The following SMAP1 variants were observed in gnomAD, a reference collection of about 807,000 sequenced individuals.
SMAP1 encodes stromal membrane-associated protein 1.
SMAP1 carries 24 observed loss-of-function variants against 58.5 expected under a neutral mutation model. That is an observed-to-expected ratio of 0.41 (90% CI 0.30 to 0.58). The LOEUF (loss-of-function observed/expected upper bound fraction) is 0.58, where lower values mean the gene tolerates loss of function less well. Among genes scored for constraint, SMAP1 ranks in the 20% least tolerant of loss-of-function variants. The pLI, the probability that SMAP1 is intolerant of heterozygous loss-of-function variation, is 0.29. For missense variants in SMAP1, 563 were observed against 566.3 expected (o/e 0.99, Z 0.06); for synonymous variants, 216 against 196.6 (o/e 1.10, Z -0.82).
intron 4 of SMAP1, among the ~76,000 whole-genome samples, chr6:70,789,924 GT>G (rs931365126): frequency 6.6e-6 from 1 of 151,958 alleles, no homozygotes; most frequent in African/African-American, 2.4e-5. Context: ...CTGCTACTGG[GT>G]TTTAAAAGTG....
At chr6:70,852,460 A>T in intron 7 of SMAP1, 80 bp from the exon 8 acceptor site, 1 of 1,277,306 alleles carries the variant, frequency 7.8e-7, no homozygotes, top group South Asian at 2.4e-5. Flanking sequence ...TTTTAACCAT[A>T]TATCAATTTT....
At chr6:70,823,692 A>C (rs1412133732) in intron 6 of SMAP1, among the ~76,000 whole-genome samples, 1 of 152,116 alleles carries the variant, frequency 6.6e-6, no homozygotes, top group Non-Finnish European at 1.5e-5. Flanking sequence ...TATAATACAT[A>C]ATACAATGTA....
chr6:70,748,053 T>C (rs1192520927), intron 2 of SMAP1, among the ~76,000 whole-genome samples: 2 of 152,160 alleles, frequency 1.3e-5, no homozygotes, highest in Non-Finnish European at 2.9e-5. Context: ...AAAGAGTTCC[T>C]GAGACCAAAA....
chr6:70,746,208 T>TG (rs1316907719), intron 2 of SMAP1, among the ~76,000 whole-genome samples: 1 of 152,180 alleles, frequency 6.6e-6, no homozygotes, highest in Non-Finnish European at 1.5e-5. Context: ...TCCAACACTA[T>TG]GTTGAATAGG....
intron 5 of SMAP1, among the ~76,000 whole-genome samples, chr6:70,792,184 A>G (rs935665204): frequency 6.6e-6 from 1 of 152,204 alleles, no homozygotes; most frequent in African/African-American, 2.4e-5. Context: ...GTATTATGGG[A>G]TAATGAGTTC....
chr6:70,820,243 G>A (rs1769826495), intron 6 of SMAP1, among the ~76,000 whole-genome samples: 1 of 152,084 alleles, frequency 6.6e-6, no homozygotes, highest in African/African-American at 2.4e-5. Context: ...AGCATTATAT[G>A]TATTGGATGT....
chr6:70,759,389 T>A (rs896658362), intron 3 of SMAP1, among the ~76,000 whole-genome samples: 2 of 152,084 alleles, frequency 1.3e-5, no homozygotes, highest in East Asian at 3.8e-4. Flanking sequence ...GGGTTGGATT[T>A]TTTAGGTGTC....
rs1413334798 is a variant in SMAP1, at chr6:70,824,965, A to C, written c.577-11976A>C. On this transcript the variant is annotated intron_variant, in intron 6 of 10. Coordinates refer to ENST00000370455, the MANE Select transcript of SMAP1 (RefSeq NM_001044305.3). ...TTTTGAAGCAAGTTCTAATAGGAAC[A>C]GAAATCATGGTCTCTTGCGGCTGTC... is the stretch of plus-strand genomic sequence containing the variant. Among the ~76,000 whole-genome samples, 5 of 152,336 alleles carry C rather than the reference A, an allele frequency of 3.3e-5. No homozygotes were observed. The East Asian group carries it at 7.7e-4, about 24-fold the overall frequency.
chr6:70,701,876 C>T (rs1168063435), intron 1 of SMAP1, among the ~76,000 whole-genome samples: 1 of 152,158 alleles, frequency 6.6e-6, no homozygotes, highest in Non-Finnish European at 1.5e-5. Context: ...TTTGGTGTTC[C>T]TGCAGGGGAG....
intron 7 of SMAP1, among the ~76,000 whole-genome samples, chr6:70,839,041 G>A (rs546591470): frequency 2.6e-5 from 4 of 152,246 alleles, no homozygotes; most frequent in African/African-American, 9.6e-5. Flanking sequence ...GAGTGGATGG[G>A]ATCTAGTTGA....
intron 3 of SMAP1, among the ~76,000 whole-genome samples, chr6:70,763,131 A>G (rs145947835): frequency 3.8e-5 from 1 of 26,552 alleles, no homozygotes; most frequent in African/African-American, 1.3e-4. Flanking sequence ...TTTTTTTTTT[A>G]CGAATTGAAT....
intron 1 of SMAP1, among the ~76,000 whole-genome samples, chr6:70,680,564 A>G (rs1026476986): frequency 6.6e-6 from 1 of 152,204 alleles, no homozygotes; most frequent in Non-Finnish European, 1.5e-5. Context: ...TGACGAATGG[A>G]TAAAGAAAAT....
At chr6:70,826,993 C>G (rs971255744) in intron 6 of SMAP1, among the ~76,000 whole-genome samples, 7 of 149,080 alleles carry the variant, frequency 4.7e-5, no homozygotes, top group Non-Finnish European at 1.5e-5. Flanking sequence ...CCCCACAGTT[C>G]CTGTCAGACT....
At chr6:70,842,974 T>G (rs1475499098) in intron 7 of SMAP1, among the ~76,000 whole-genome samples, 1 of 152,150 alleles carries the variant, frequency 6.6e-6, no homozygotes, top group Non-Finnish European at 1.5e-5. Flanking sequence ...TTGGATTATA[T>G]TACCTCACTA....
intron 7 of SMAP1, among the ~76,000 whole-genome samples, chr6:70,839,377 T>G (rs1461032610): frequency 6.6e-6 from 1 of 152,208 alleles, no homozygotes; most frequent in Non-Finnish European, 1.5e-5. Flanking sequence ...TTGTATCAGT[T>G]TCTAAAGTAG....
intron 1 of SMAP1, among the ~76,000 whole-genome samples, chr6:70,715,544 A>G (rs1255903868): frequency 5.9e-5 from 9 of 152,084 alleles, no homozygotes. Flanking sequence ...CAACTCTGAT[A>G]ATGCCTATAT....
intron 1 of SMAP1, among the ~76,000 whole-genome samples, chr6:70,731,135 ACATTTTT>A (rs1765417001): frequency 6.6e-6 from 1 of 152,226 alleles, no homozygotes; most frequent in Non-Finnish European, 1.5e-5. Flanking sequence ...CTATATACAT[ACATTTTT>A]CATAATCAAC....
intron 3 of SMAP1, among the ~76,000 whole-genome samples, chr6:70,760,682 A>G (rs1216790902): frequency 5.9e-5 from 9 of 151,926 alleles, no homozygotes; most frequent in Non-Finnish European, 1.0e-4. Context: ...AAAGCCTAAC[A>G]TTTCTGTAGT....
intron 9 of SMAP1, 32 bp downstream of exon 9, chr6:70,857,062 A>T (rs1562206106): frequency 2.6e-6 from 4 of 1,567,722 alleles, no homozygotes; most frequent in Non-Finnish European, 3.5e-6. Flanking sequence ...TTTCAGTGAC[A>T]TTACTAGAAG....
Sources: gnomAD v4.1 joint callset for allele counts (sites outside exome capture counted in the v4.1 genomes callset) on GRCh38, gnomAD v4.1.1 for gene constraint, MANE v1.5 for transcripts, NCBI Gene and HGNC (gene_info 2026-07-23, HGNC 2026-07-21) for gene names.